Variants in HDDC2 observed in about 807,000 individuals in gnomAD.
HDDC2 encodes the protein 5'-deoxynucleotidase HDDC2.
In HDDC2, 25 loss-of-function variants were observed where a neutral mutation model predicts 25.5. That is an observed-to-expected ratio of 0.98 (90% CI 0.72 to 1.37). HDDC2 has a LOEUF of 1.37. HDDC2 is among the 40% of genes most tolerant of loss of function. HDDC2 has a pLI of 0.00. For synonymous variants in HDDC2, 106 were observed against 89.7 expected (o/e 1.18, Z -1.03); for missense variants, 264 against 253.1 (o/e 1.04, Z -0.29).
chr6:125,276,732 G>A, intron 5 of HDDC2: 1 of 270,944 alleles, frequency 3.7e-6, no homozygotes, highest in Non-Finnish European at 7.0e-6. Flanking sequence ...CACTTCAATT[G>A]GCTGATCTGT....
intron 3 of HDDC2, among the ~76,000 whole-genome samples, chr6:125,294,818 G>A (rs191938028): frequency 1.3e-5 from 2 of 152,268 alleles, no homozygotes; most frequent in Admixed American, 6.5e-5. Flanking sequence ...TTTAAGTGCA[G>A]TGTAAGACTG....
rs1039000155 is a variant in HDDC2, at chr6:125,300,784, A to C, written c.85-125T>G. 11 of 945,156 alleles carry C rather than the reference A, an allele frequency of 1.2e-5. No homozygotes were observed. In the African/African-American group the frequency reaches 1.8e-4, roughly 16 times the overall value. 58.5% of individuals were successfully genotyped at this position (945,156 alleles called of 1,614,324 possible). A position where few individuals can be genotyped will look rare whatever the true frequency, so the allele number is the denominator to read the frequency against. On this transcript the variant is annotated intron_variant, in intron 1 of 5. Transcript: ENST00000398153. ...GTCATAATTTCAGAACCTATTACAA[A>C]ATGTTTTGCTAAACTAGCTAAAATG...
rs369347497 is a variant in HDDC2, at chr6:125,277,098, G to C, written c.517+4C>G. 217 of 1,613,788 alleles carry C rather than the reference G, an allele frequency of 1.3e-4. No individual in the cohort carries two copies. In the African/African-American group the frequency reaches 2.5e-3, roughly 18 times the overall value. ...GGACTCTTGTTGAAAATGGTGTTGA[G>C]TACCTGCTGTGGAATCATAGAAGTC... On this transcript the variant is annotated splice_donor_region_variant and intron_variant, in intron 5 of 5. Coordinates refer to ENST00000398153, the MANE Select transcript of HDDC2 (RefSeq NM_016063.3).
At chr6:125,292,784 G>A (rs1479532425) in intron 4 of HDDC2, 57 bp downstream of exon 4, 1 of 1,273,406 alleles carries the variant, frequency 7.9e-7, no homozygotes, top group Non-Finnish European at 1.1e-6. Flanking sequence ...TACAACATCA[G>A]GGAGCCATAT....
intron 4 of HDDC2, among the ~76,000 whole-genome samples, chr6:125,286,599 G>C (rs1340316423): frequency 1.3e-5 from 2 of 152,188 alleles, no homozygotes; most frequent in Admixed American, 6.5e-5. Context: ...AATTTGAATT[G>C]AAAACATCAG....
chr6:125,282,000 T>G (rs1798465895), intron 4 of HDDC2, among the ~76,000 whole-genome samples: 1 of 152,062 alleles, frequency 6.6e-6, no homozygotes, highest in Non-Finnish European at 1.5e-5. Context: ...ACAGCAGATC[T>G]CTCTACAGAA....
At chr6:125,298,664 G>T in intron 3 of HDDC2, 50 bp downstream of exon 3, 2 of 1,379,550 alleles carry the variant, frequency 1.4e-6, no homozygotes, top group Non-Finnish European at 2.1e-6. Context: ...CTTTGCTTCA[G>T]CAAGAGGTTT....
At position 125,300,664 on chromosome 6, in the gene HDDC2, T is replaced by C. The variant is rs766849086; in HGVS notation, c.85-5A>G. The C allele has an allele frequency of 2.1e-5, 33 of 1,608,830 alleles. No individual in the cohort carries two copies. Among genetic ancestry groups the C allele is most frequent in the Non-Finnish European group, 2.7e-5 (32 of 1,178,614 alleles). ...CCAGCCAGTTCGTGGGACTCTCTGA[T>C]AAATATGAAGAAGAAAAAGAAGTTT... On this transcript the variant is annotated splice_polypyrimidine_tract_variant and splice_region_variant and intron_variant, in intron 1 of 5. Transcript: ENST00000398153.
At chr6:125,283,123 T>G (rs1798483168) in intron 4 of HDDC2, among the ~76,000 whole-genome samples, 1 of 152,206 alleles carries the variant, frequency 6.6e-6, no homozygotes, top group South Asian at 2.1e-4. Context: ...CACCTCTTCA[T>G]GCTAAAGACT....
At chr6:125,300,838 G>C (rs1798788513) in intron 1 of HDDC2, among the ~76,000 whole-genome samples, 179 bp from the exon 2 acceptor site, 1 of 152,092 alleles carries the variant, frequency 6.6e-6, no homozygotes, top group African/African-American at 2.4e-5. Flanking sequence ...ATGAACTAGA[G>C]AGCTCAGAGA....
Position 125,300,611 on chromosome 6 carries a change from T to C in HDDC2, c.133A>G (p.Ser45Gly). 6.2e-7 allele frequency: 1 copy of C among 1,614,134 alleles called. No individual in the cohort carries two copies. Among genetic ancestry groups the C allele is most frequent in the Non-Finnish European group, 8.5e-7 (1 of 1,180,018 alleles). ...ATCCGGTACATGTGATCTGAAACGCTCTCCGGCCTCTGGACATTTCTGTAT... is the reference window on the plus strand; with the variant it reads ...ATCCGGTACATGTGATCTGAAACGCCCTCCGGCCTCTGGACATTTCTGTAT... ...WVYRNVQRPE[S>G]VSDHMYRMAV... Residue 45 changes from serine (S) to glycine (G), a missense_variant, in exon 2 of 6, where the codon AGC (serine) becomes GGC (glycine). Transcript: ENST00000398153.
chr6:125,282,542 T>C (rs922642824), intron 4 of HDDC2, among the ~76,000 whole-genome samples: 1 of 152,144 alleles, frequency 6.6e-6, no homozygotes, highest in Non-Finnish European at 1.5e-5. Flanking sequence ...GAAAAACCAG[T>C]ATCAGCCACT....
chr6:125,281,219 C>A (rs1798453116), intron 4 of HDDC2, among the ~76,000 whole-genome samples: 1 of 152,096 alleles, frequency 6.6e-6, no homozygotes, highest in South Asian at 2.1e-4. Flanking sequence ...ACAGCAAAGA[C>A]CAAAGGTAGA....
At chr6:125,289,222 A>G (rs1343976640) in intron 4 of HDDC2, among the ~76,000 whole-genome samples, 2 of 135,224 alleles carry the variant, frequency 1.5e-5, no homozygotes, top group African/African-American at 6.3e-5. Context: ...TCAGTAAACT[A>G]TCGCAAGAAC....
chr6:125,291,148 T>C (rs1483160008), intron 4 of HDDC2, among the ~76,000 whole-genome samples: 1 of 152,224 alleles, frequency 6.6e-6, no homozygotes, highest in Admixed American at 6.5e-5. Context: ...ACTCCATTAT[T>C]TCCCAACATA....
intron 2 of HDDC2, 36 bp from the exon 3 acceptor site, chr6:125,298,852 AT>A (rs1352907405): frequency 1.4e-6 from 2 of 1,427,860 alleles, no homozygotes; most frequent in Non-Finnish European, 9.9e-7. Context: ...ATTACACAGA[AT>A]TATATTTACT....
intron 1 of HDDC2, 71 bp downstream of exon 1, chr6:125,301,778 G>A (rs1013706457): frequency 4.5e-5 from 52 of 1,147,490 alleles, no homozygotes; most frequent in Non-Finnish European, 6.4e-5. Context: ...GCCGAGCGGG[G>A]AGGCCGGAAG....
chr6:125,286,778 G>A (rs1363194859), intron 4 of HDDC2, among the ~76,000 whole-genome samples: 1 of 152,158 alleles, frequency 6.6e-6, no homozygotes, highest in Admixed American at 6.5e-5. Context: ...TGCTATCGAA[G>A]AAGCATATTT....
At chr6:125,289,481 T>TAA (rs779984106) in intron 4 of HDDC2, among the ~76,000 whole-genome samples, 35 of 98,166 alleles carry the variant, frequency 3.6e-4, no homozygotes, top group African/African-American at 1.1e-3. Flanking sequence ...TAGAGTATAA[T>TAA]AAAAAAAAAA....
Sources: gnomAD v4.1 joint callset for allele counts (sites outside exome capture counted in the v4.1 genomes callset) on GRCh38, gnomAD v4.1.1 for gene constraint, MANE v1.5 for transcripts, NCBI Gene and HGNC (gene_info 2026-07-23, HGNC 2026-07-21) for gene names.